The following POGLUT3 variants were observed in gnomAD, a reference collection of about 807,000 sequenced individuals.
The protein encoded by POGLUT3 is KDEL (Lys-Asp-Glu-Leu) containing 2.
Under a neutral mutation model 54.3 loss-of-function variants are expected in POGLUT3, and 48 were observed. The observed-to-expected ratio is 0.88, with a 90% CI of 0.70 to 1.12. The LOEUF is 1.12. POGLUT3 is among the 50% of genes most tolerant of loss of function. POGLUT3 has a pLI of 0.00. For missense variants in POGLUT3, 629 were observed against 618.7 expected, an observed-to-expected ratio of 1.02 and a Z score of -0.18; for synonymous variants, 218 against 237.4, an observed-to-expected ratio of 0.92 and a Z score of 0.75.
chr11:108,478,492 C>T (rs60919561), intron 6 of POGLUT3, among the ~76,000 whole-genome samples: 1 of 152,110 alleles, frequency 6.6e-6, no homozygotes, highest in Admixed American at 6.5e-5. Context: ...ACGCAGTCAA[C>T]GTCAAAAAGT....
At chr11:108,476,865 T>G (rs1428976051) in intron 7 of POGLUT3, among the ~76,000 whole-genome samples, 1 of 152,182 alleles carries the variant, frequency 6.6e-6, no homozygotes, top group Non-Finnish European at 1.5e-5. Context: ...GCATGAATCT[T>G]AAGTATCAAG....
intron 6 of POGLUT3, among the ~76,000 whole-genome samples, chr11:108,478,696 G>A (rs2093586926): frequency 6.6e-6 from 1 of 152,054 alleles, no homozygotes; most frequent in Non-Finnish European, 1.5e-5. Context: ...TCTTATGAAG[G>A]GTCACAAAAG....
intron 1 of POGLUT3, among the ~76,000 whole-genome samples, chr11:108,497,505 G>C (rs1280591651): frequency 1.3e-5 from 2 of 152,200 alleles, no homozygotes; most frequent in African/African-American, 4.8e-5. Flanking sequence ...GTTTTAAGAA[G>C]TTGCAAAGGT....
chr11:108,481,609 T>C (rs1289916782), intron 4 of POGLUT3, among the ~76,000 whole-genome samples: 1 of 152,202 alleles, frequency 6.6e-6, no homozygotes, highest in African/African-American at 2.4e-5. Flanking sequence ...CTGTATTATG[T>C]AAAAGAATGC....
At chr11:108,479,598 A>G (rs943405365) in intron 5 of POGLUT3, 103 bp from the exon 6 acceptor site, 5 of 758,040 alleles carry the variant, frequency 6.6e-6, no homozygotes, top group South Asian at 6.6e-5. Context: ...ATTATTTTCC[A>G]TTTTCCAACT....
chr11:108,490,865 G>T, intron 2 of POGLUT3, 105 bp downstream of exon 2: 1 of 719,498 alleles, frequency 1.4e-6, no homozygotes, highest in Non-Finnish European at 2.4e-6. Flanking sequence ...TGTATACAAT[G>T]TTTACTTTAC....
chr11:108,477,574 A>C (rs772672271), intron 7 of POGLUT3, 33 bp downstream of exon 7: 1 of 1,355,710 alleles, frequency 7.4e-7, no homozygotes, highest in Non-Finnish European at 1.1e-6. Context: ...AGGACACCCG[A>C]CCCAGCAGTG....
chr11:108,489,464 G>T (rs980793336), intron 2 of POGLUT3, among the ~76,000 whole-genome samples: 1 of 152,052 alleles, frequency 6.6e-6, no homozygotes, highest in African/African-American at 2.4e-5. Flanking sequence ...CTGATAAAGA[G>T]AAAACCTTAA....
chr11:108,479,571 A>G (rs2093588884), intron 5 of POGLUT3, 76 bp from the exon 6 acceptor site: 3 of 1,029,490 alleles, frequency 2.9e-6, no homozygotes, highest in Non-Finnish European at 1.4e-6. Flanking sequence ...CAACACTGTA[A>G]TACCAACTAC....
intron 2 of POGLUT3, chr11:108,486,656 A>C (rs2093603997): frequency 5.8e-6 from 3 of 514,338 alleles, no homozygotes; most frequent in African/African-American, 3.8e-5. Context: ...GCCCTCTCCC[A>C]ATCTAACCTA....
At chr11:108,492,036 G>A (rs746230183) in intron 1 of POGLUT3, among the ~76,000 whole-genome samples, 2 of 151,790 alleles carry the variant, frequency 1.3e-5, no homozygotes, top group African/African-American at 2.4e-5. Flanking sequence ...ATTTCCTTAC[G>A]TAGAGAGAGA....
rs1043294731 is a variant in POGLUT3 at position 108,481,092 on chromosome 11, G to T, written c.1098+88C>A. 4.2e-6 allele frequency: 4 copies of T among 948,186 alleles called. No individual in the cohort carries two copies. The African/African-American group carries it at 5.0e-5, about 12-fold the overall frequency. 58.7% of individuals were successfully genotyped at this position (948,186 alleles called of 1,614,324 possible). On this transcript the variant is annotated intron_variant, in intron 5 of 7. Transcript: ENST00000323468. Reference sequence around the variant, plus strand: ...ACATGTGTGTCAGTTCACAAGCCAGGTGAAATTTGCTGAAGCCCACCTATT... The same window carrying T: ...ACATGTGTGTCAGTTCACAAGCCAGTTGAAATTTGCTGAAGCCCACCTATT...
intron 7 of POGLUT3, among the ~76,000 whole-genome samples, chr11:108,476,224 C>G (rs2093581507): frequency 6.6e-6 from 1 of 152,144 alleles, no homozygotes; most frequent in Non-Finnish European, 1.5e-5. Context: ...ACCTCTGCCT[C>G]CCAGGTTCAA....
At chr11:108,497,128 T>C (rs1318964384) in intron 1 of POGLUT3, among the ~76,000 whole-genome samples, 1 of 152,270 alleles carries the variant, frequency 6.6e-6, no homozygotes, top group East Asian at 1.9e-4. Flanking sequence ...ACCAACAGAC[T>C]GTAAGTTCCT....
At position 108,472,402 on chromosome 11, in the gene POGLUT3, A is replaced by T. The variant is rs893212496; in HGVS notation, c.*2425T>A. On this transcript the variant is annotated 3_prime_UTR_variant, in exon 8 of 8. Transcript: ENST00000323468. ...CCATCTTCTCCTCAGATATTGGTGA[A>T]TCTCCTCCCAAACTTTCAACCACAT... is the stretch of plus-strand genomic sequence containing the variant. The T allele has an allele frequency of 6.6e-6, 1 of 152,192 alleles. No homozygotes were observed. The highest frequency in any genetic ancestry group is 6.5e-5 in the Admixed American group (1 of 15,274). The allele number at this position is 152,192 out of a possible 1,614,324, so 9.4% of individuals were successfully genotyped here. A position where few individuals can be genotyped will look rare whatever the true frequency, so the allele number is the denominator to read the frequency against.
At chr11:108,485,342 G>A (rs565669334) in intron 3 of POGLUT3, among the ~76,000 whole-genome samples, 60 of 152,188 alleles carry the variant, frequency 3.9e-4, no homozygotes, top group Non-Finnish European at 7.5e-4. Flanking sequence ...AACTTAAAGC[G>A]GCCTCTTGAC....
intron 1 of POGLUT3, 79 bp from the exon 2 acceptor site, chr11:108,491,246 A>G (rs1471996512): frequency 1.7e-6 from 2 of 1,157,424 alleles, no homozygotes; most frequent in Admixed American, 4.1e-5. Context: ...TTATTGGATA[A>G]CTTAAATATG....
Position 108,491,349 on chromosome 11 carries a change from C to CTT in POGLUT3, c.203-184_203-183dup, listed in dbSNP as rs57238726. ...AACTGTCATGTCTGGTTCATGCATTCTTTTTTTTTTTTTTTTCTTTTTTGA... is the reference window on the plus strand; with the variant it reads ...AACTGTCATGTCTGGTTCATGCATTCTTTTTTTTTTTTTTTTTTCTTTTTTGA... On this transcript the variant is annotated intron_variant, in intron 1 of 7. Transcript: ENST00000323468. The CTT allele has an allele frequency of 5.6e-3, 3,113 of 554,578 alleles. 2 individuals are homozygous for CTT. Among genetic ancestry groups the CTT allele is most frequent in the East Asian group, 0.027 (896 of 33,550 alleles). The allele number at this position is 554,578 out of a possible 1,614,324, so 34.4% of individuals were successfully genotyped here. A position where few individuals can be genotyped will look rare whatever the true frequency, so the allele number is the denominator to read the frequency against.
At position 108,482,332 on chromosome 11, in the gene POGLUT3, A is replaced by G. The variant is rs542447490; in HGVS notation, c.685-110T>C. 4.3e-5 allele frequency: 30 copies of G among 697,348 alleles called. No homozygotes were observed. In the South Asian group the frequency reaches 5.8e-4, roughly 14 times the overall value. 43.2% of individuals were successfully genotyped at this position (697,348 alleles called of 1,614,324 possible). The stretch of plus-strand genomic sequence containing the variant: ...TATTTTTGACAGGGCTAACCATTCA[A>G]AAACAGAGAAGAGAGAAGAATGCCT... On this transcript the variant is annotated intron_variant, in intron 3 of 7. Transcript: ENST00000323468.
Sources: gnomAD v4.1 joint callset for allele counts (sites outside exome capture counted in the v4.1 genomes callset) on GRCh38, gnomAD v4.1.1 for gene constraint, MANE v1.5 for transcripts, NCBI Gene and HGNC (gene_info 2026-07-23, HGNC 2026-07-21) for gene names.